Variants in PTPRT observed in about 807,000 individuals in gnomAD.
PTPRT encodes protein tyrosine phosphatase receptor type T.
PTPRT carries 56 observed loss-of-function variants against 176.8 expected under a neutral mutation model. The observed-to-expected ratio is 0.32, with a 90% CI of 0.26 to 0.40. The LOEUF (loss-of-function observed/expected upper bound fraction) is 0.40. PTPRT is among the 10% of genes least tolerant of loss of function. The pLI, the probability that PTPRT is intolerant of heterozygous loss-of-function variation, is 1.00. For synonymous variants in PTPRT, 783 were observed against 739.0 expected (o/e 1.06, Z -0.96); for missense variants, 1,540 against 1,908.2 (o/e 0.81, Z 3.60).
At chr20:42,134,024 T>C (rs776440692) in intron 18 of PTPRT, among the ~76,000 whole-genome samples, 1 of 152,186 alleles carries the variant, frequency 6.6e-6, no homozygotes, top group African/African-American at 2.4e-5. Flanking sequence ...AGAACTATTG[T>C]GTGTGTTCAC....
At chr20:42,766,350 A>G (rs1241576315) in intron 5 of PTPRT, among the ~76,000 whole-genome samples, 1 of 152,226 alleles carries the variant, frequency 6.6e-6, no homozygotes, top group Non-Finnish European at 1.5e-5. Context: ...TGATCCCAGG[A>G]CAAGAAGAAC....
At chr20:42,786,773 C>T (rs772102484) in intron 3 of PTPRT, among the ~76,000 whole-genome samples, 1 of 152,152 alleles carries the variant, frequency 6.6e-6, no homozygotes, top group Non-Finnish European at 1.5e-5. Context: ...GCTCACTGAC[C>T]GTGCCCATGA....
chr20:42,248,394 A>G (rs1445440952), intron 14 of PTPRT, among the ~76,000 whole-genome samples: 3 of 152,188 alleles, frequency 2.0e-5, no homozygotes, highest in Non-Finnish European at 4.4e-5. Flanking sequence ...GTTAACTCCT[A>G]TAAGACTCAA....
intron 1 of PTPRT, among the ~76,000 whole-genome samples, chr20:42,987,796 G>A (rs1227802350): frequency 6.6e-6 from 1 of 152,124 alleles, no homozygotes; most frequent in Non-Finnish European, 1.5e-5. Flanking sequence ...ACCTCTCACT[G>A]CCTGTCTCTC....
At chr20:42,498,442 C>T (rs1400555257) in intron 7 of PTPRT, among the ~76,000 whole-genome samples, 1 of 152,098 alleles carries the variant, frequency 6.6e-6, no homozygotes, top group Non-Finnish European at 1.5e-5. Context: ...CAAATTCCAA[C>T]CTGATTCTAG....
chr20:42,595,235 T>G (rs143635167), intron 7 of PTPRT, among the ~76,000 whole-genome samples: 101 of 152,222 alleles, frequency 6.6e-4, no homozygotes, highest in African/African-American at 2.3e-3. Flanking sequence ...AGACATATCA[T>G]TAATTCACAC....
chr20:42,099,917 ACT>A (rs1464261743), intron 26 of PTPRT, among the ~76,000 whole-genome samples: 2 of 152,178 alleles, frequency 1.3e-5, no homozygotes, highest in Admixed American at 6.5e-5. Context: ...CAAAAGCCAA[ACT>A]CTCTAGCTGT....
Position 43,120,803 on chromosome 20 carries a change from T to C in PTPRT, c.88+68843A>G, listed in dbSNP as rs1331311865. Among the ~76,000 whole-genome samples the C allele has an allele frequency of 5.3e-5, 8 of 152,324 alleles. No individual in the cohort carries two copies. In the East Asian group the frequency reaches 1.2e-3, roughly 22 times the overall value. On this transcript the variant is annotated intron_variant, in intron 1 of 30. Transcript: ENST00000373187. ...AAGCTTTTTGGTTTTCCATAAACATTTTTCATGTTTTGCATAGGTATTTTA... is the reference window on the plus strand; with the variant it reads ...AAGCTTTTTGGTTTTCCATAAACATCTTTCATGTTTTGCATAGGTATTTTA...
At chr20:42,981,741 A>G (rs1983290961) in intron 1 of PTPRT, among the ~76,000 whole-genome samples, 1 of 152,238 alleles carries the variant, frequency 6.6e-6, no homozygotes, top group South Asian at 2.1e-4. Flanking sequence ...GATTGTACAC[A>G]AAATAAAACG....
chr20:42,970,164 G>C (rs1341946868), intron 1 of PTPRT, among the ~76,000 whole-genome samples: 1 of 152,196 alleles, frequency 6.6e-6, no homozygotes, highest in Non-Finnish European at 1.5e-5. Flanking sequence ...TCTTGAGCAA[G>C]AAGTAAGCAT....
At chr20:42,606,128 C>T in intron 7 of PTPRT, among the ~76,000 whole-genome samples, 1 of 152,192 alleles carries the variant, frequency 6.6e-6, no homozygotes, top group East Asian at 1.9e-4. Flanking sequence ...CCCGTTGGCT[C>T]TTCTCTGGGC....
intron 6 of PTPRT, among the ~76,000 whole-genome samples, chr20:42,700,207 T>A (rs981299629): frequency 1.3e-5 from 2 of 152,284 alleles, no homozygotes; most frequent in Middle Eastern, 6.8e-3. Context: ...CTCATTTCGA[T>A]GTGACCACCA....
intron 11 of PTPRT, among the ~76,000 whole-genome samples, chr20:42,343,419 C>T (rs938097933): frequency 6.6e-6 from 1 of 152,188 alleles, no homozygotes. Context: ...GAAGTCATCA[C>T]AAGCCATGTC....
At chr20:42,744,572 T>C (rs1299182950) in intron 6 of PTPRT, among the ~76,000 whole-genome samples, 1 of 152,182 alleles carries the variant, frequency 6.6e-6, no homozygotes, top group Non-Finnish European at 1.5e-5. Context: ...TTGATCCAAA[T>C]TGTATTAATT....
chr20:42,164,594 G>A (rs1413429253), intron 16 of PTPRT, among the ~76,000 whole-genome samples: 1 of 151,610 alleles, frequency 6.6e-6, no homozygotes, highest in Non-Finnish European at 1.5e-5. Context: ...CAGAAGTGAT[G>A]TCTTTTATCA....
intron 11 of PTPRT, among the ~76,000 whole-genome samples, chr20:42,320,158 T>C (rs2057779713): frequency 6.6e-6 from 1 of 152,194 alleles, no homozygotes; most frequent in South Asian, 2.1e-4. Context: ...CACTCTAAGG[T>C]GACTTCTGTA....
intron 9 of PTPRT, among the ~76,000 whole-genome samples, chr20:42,441,935 T>C (rs917886353): frequency 1.3e-5 from 2 of 152,222 alleles, no homozygotes; most frequent in Non-Finnish European, 2.9e-5. Flanking sequence ...TTGGGCTGTA[T>C]TAGTCACAAT....
intron 1 of PTPRT, among the ~76,000 whole-genome samples, chr20:43,044,044 G>A (rs555326364): frequency 6.6e-5 from 10 of 152,198 alleles, no homozygotes; most frequent in African/African-American, 7.2e-5. Flanking sequence ...AAGTGTCTGC[G>A]AGATGGCATC....
chr20:43,177,099 C>T (rs1453530976), intron 1 of PTPRT, among the ~76,000 whole-genome samples: 10 of 152,182 alleles, frequency 6.6e-5, no homozygotes, highest in Non-Finnish European at 1.0e-4. Context: ...TCTGCAATGA[C>T]GCCATTGGTG....
Sources: gnomAD v4.1 joint callset for allele counts (sites outside exome capture counted in the v4.1 genomes callset) on GRCh38, gnomAD v4.1.1 for gene constraint, MANE v1.5 for transcripts, NCBI Gene and HGNC (gene_info 2026-07-23, HGNC 2026-07-21) for gene names.